MAPK10: variants seen among roughly 807,000 people sequenced by gnomAD.
MAPK10 encodes mitogen-activated protein kinase 10.
MAPK10 carries 25 observed loss-of-function variants against 59.3 expected under a neutral mutation model. That is an observed-to-expected ratio of 0.42 (90% confidence interval 0.31 to 0.59). The LOEUF is 0.59. MAPK10 is among the 20% of genes least tolerant of loss of function. The pLI is 0.15. For synonymous variants in MAPK10, 190 were observed against 200.5 expected (o/e 0.95, Z 0.44); for missense variants, 351 against 568.9 (o/e 0.62, Z 3.90).
intron 1 of MAPK10, among the ~76,000 whole-genome samples, chr4:86,472,706 C>T (rs1470879288): frequency 6.6e-6 from 1 of 152,050 alleles, no homozygotes; most frequent in East Asian, 1.9e-4. Flanking sequence ...AATGTGTAAA[C>T]TCATCATACA....
At chr4:86,097,773 T>A (rs1181741019) in intron 9 of MAPK10, among the ~76,000 whole-genome samples, 1 of 152,130 alleles carries the variant, frequency 6.6e-6, no homozygotes, top group Non-Finnish European at 1.5e-5. Context: ...AATGTATCAG[T>A]TCATTTGATA....
upstream of MAPK10, among the ~76,000 whole-genome samples, chr4:86,364,276 G>A (rs538669302): frequency 2.6e-5 from 4 of 152,076 alleles, no homozygotes; most frequent in South Asian, 4.2e-4. Context: ...ATAGGTGCGC[G>A]TCACCATGCC....
At chr4:86,413,707 A>G (rs1745492932) in intron 1 of MAPK10, among the ~76,000 whole-genome samples, 1 of 152,212 alleles carries the variant, frequency 6.6e-6, no homozygotes, top group Non-Finnish European at 1.5e-5. Flanking sequence ...CTCCATGTGC[A>G]TGGGACCCGC....
intron 1 of MAPK10, among the ~76,000 whole-genome samples, chr4:86,387,139 T>C (rs914518161): frequency 2.0e-5 from 3 of 152,176 alleles, no homozygotes; most frequent in African/African-American, 4.8e-5. Context: ...TATTTTATTA[T>C]GCACTTCATG....
intron 3 of MAPK10, among the ~76,000 whole-genome samples, chr4:86,181,479 T>C (rs1021276524): frequency 3.9e-5 from 6 of 152,136 alleles, no homozygotes; most frequent in African/African-American, 1.4e-4. Context: ...TGATAAATGT[T>C]AGATAAATGT....
chr4:86,313,760 G>A (rs1288445189), intron 2 of MAPK10, among the ~76,000 whole-genome samples: 1 of 152,092 alleles, frequency 6.6e-6, no homozygotes, highest in Admixed American at 6.6e-5. Context: ...TTTCTGGTAG[G>A]AATACAAATT....
At chr4:86,045,568 C>T (rs1294315388) in intron 11 of MAPK10, among the ~76,000 whole-genome samples, 2 of 152,080 alleles carry the variant, frequency 1.3e-5, no homozygotes, top group Non-Finnish European at 2.9e-5. Context: ...TCCCACACTG[C>T]AGACAGTGGC....
rs1347091127 is a variant in MAPK10, at chr4:86,056,264, CTT to C, written c.1110+8000_1110+8001del. On this transcript the variant is annotated intron_variant, in intron 11 of 13. Transcript: ENST00000641462. Reference sequence around the variant, plus strand: ...AGGATTATAAAATATTTGAAGCAAACTTATGCATATTTTATTCAATGGTTTAT... The same window carrying C: ...AGGATTATAAAATATTTGAAGCAAACATGCATATTTTATTCAATGGTTTAT... Among the ~76,000 whole-genome samples the C allele has an allele frequency of 8.7e-5, 13 of 150,086 alleles. 1 individual carries two copies. Among genetic ancestry groups the C allele is most frequent in the Admixed American group, 6.6e-4 (10 of 15,096 alleles).
At chr4:86,064,514 C>G (rs1368066853) in intron 10 of MAPK10, 124 bp from the exon 11 acceptor site, 1 of 872,020 alleles carries the variant, frequency 1.1e-6, no homozygotes, top group Non-Finnish European at 1.8e-6. Flanking sequence ...CAGGTAAATC[C>G]CTTGATGTGA....
intron 1 of MAPK10, among the ~76,000 whole-genome samples, chr4:86,537,174 G>T (rs570619762): frequency 6.6e-6 from 1 of 152,182 alleles, no homozygotes; most frequent in Admixed American, 6.5e-5. Flanking sequence ...TGTTGTGAGA[G>T]GTGATGATGG....
chr4:86,474,611 A>G (rs1752917073), intron 1 of MAPK10, among the ~76,000 whole-genome samples: 1 of 152,190 alleles, frequency 6.6e-6, no homozygotes, highest in Non-Finnish European at 1.5e-5. Context: ...TTTTTTCTTC[A>G]TCATCATACT....
At chr4:86,220,321 C>A (rs989843086) in intron 2 of MAPK10, among the ~76,000 whole-genome samples, 1 of 151,884 alleles carries the variant, frequency 6.6e-6, no homozygotes, top group African/African-American at 2.4e-5. Context: ...ATGCTAAATG[C>A]GTCATCCAGA....
chr4:86,355,485 C>A (rs1242831278), intron 1 of MAPK10, among the ~76,000 whole-genome samples: 2 of 152,102 alleles, frequency 1.3e-5, no homozygotes, highest in South Asian at 4.1e-4. Context: ...ATTATCAAAA[C>A]ACTAATATGG....
Position 86,014,219 on chromosome 4 carries a change from T to C in MAPK10, c.*3009A>G, listed in dbSNP as rs1742328127. On this transcript the variant is annotated 3_prime_UTR_variant, in exon 14 of 14. Transcript: ENST00000641462. ...GAACCTTCACTTTTTTTCAGGAATA[T>C]TGTCCAGGTGACTTGACACTTGCCT... 1 of 152,064 alleles carries C rather than the reference T, an allele frequency of 6.6e-6. No homozygotes were observed. The allele number at this position is 152,064 out of a possible 1,614,324, so 9.4% of individuals were successfully genotyped here.
intron 4 of MAPK10, among the ~76,000 whole-genome samples, chr4:86,136,615 A>C (rs902715643): frequency 2.0e-5 from 3 of 151,052 alleles, no homozygotes; most frequent in Non-Finnish European, 4.4e-5. Flanking sequence ...ACTAGGAAGA[A>C]ACTGCATCAA....
intron 2 of MAPK10, among the ~76,000 whole-genome samples, chr4:86,220,130 G>A (rs143624370): frequency 2.0e-5 from 3 of 151,940 alleles, no homozygotes; most frequent in African/African-American, 4.8e-5. Context: ...ATAAACAAAG[G>A]CATCTTAATA....
chr4:86,151,041 G>C (rs898381334), intron 4 of MAPK10, among the ~76,000 whole-genome samples: 1 of 152,122 alleles, frequency 6.6e-6, no homozygotes, highest in African/African-American at 2.4e-5. Context: ...GTCGTCCATA[G>C]GCAGGGGAGA....
At chr4:86,028,925 T>G (rs1751721933) in intron 13 of MAPK10, 2 of 453,480 alleles carry the variant, frequency 4.4e-6, no homozygotes, top group East Asian at 9.4e-5. Context: ...CATTTACCCT[T>G]TAGCCCATGT....
At chr4:86,541,552 GATA>G (rs1218253734) in intron 1 of MAPK10, among the ~76,000 whole-genome samples, 1 of 152,140 alleles carries the variant, frequency 6.6e-6, no homozygotes, top group Non-Finnish European at 1.5e-5. Flanking sequence ...CTTCAAATGT[GATA>G]ATAACCTCGA....
Sources: gnomAD v4.1 joint callset for allele counts (sites outside exome capture counted in the v4.1 genomes callset) on GRCh38, gnomAD v4.1.1 for gene constraint, MANE v1.5 for transcripts, NCBI Gene and HGNC (gene_info 2026-07-23, HGNC 2026-07-21) for gene names.